The following PTPRD variants were observed in gnomAD, a reference collection of about 807,000 sequenced individuals.
The protein encoded by PTPRD is protein tyrosine phosphatase receptor type D.
A neutral mutation model predicts 214.5 loss-of-function variants in PTPRD; 34 were observed. The observed-to-expected ratio is 0.16, with a 90% CI of 0.12 to 0.21. The LOEUF (loss-of-function observed/expected upper bound fraction) is 0.21, where lower values mean the gene tolerates loss of function less well. Among genes scored for constraint, PTPRD ranks in the 10% least tolerant of loss-of-function variants. PTPRD has a pLI of 1.00. For synonymous variants in PTPRD, 1,128 were observed against 845.7 expected (o/e 1.33, Z -5.79); for missense variants, 2,545 against 2,398.7 (o/e 1.06, Z -1.27).
At chr9:9,426,887 A>G (rs1170690465) in intron 8 of PTPRD, among the ~76,000 whole-genome samples, 3 of 152,196 alleles carry the variant, frequency 2.0e-5, no homozygotes, top group Non-Finnish European at 4.4e-5. Flanking sequence ...AAGGGCATCT[A>G]CACCAAAACC....
chr9:9,743,771 A>ACACACACACACAC (rs1218520561), intron 6 of PTPRD, among the ~76,000 whole-genome samples: 1,788 of 118,710 alleles, frequency 0.015, 44 homozygotes, highest in African/African-American at 0.03. Context: ...CACACACACA[A>ACACACACACACAC]TTTATACTGA....
chr9:10,356,767 T>C (rs2097286949), intron 2 of PTPRD, among the ~76,000 whole-genome samples: 1 of 151,958 alleles, frequency 6.6e-6, no homozygotes, highest in South Asian at 2.1e-4. Flanking sequence ...GAAACCTCTG[T>C]CTCCCAAGTT....
intron 2 of PTPRD, among the ~76,000 whole-genome samples, chr9:10,538,599 A>G (rs905136534): frequency 3.3e-5 from 5 of 152,180 alleles, no homozygotes; most frequent in African/African-American, 1.2e-4. Context: ...AAATTATATA[A>G]GACAGGAACA....
At chr9:8,869,367 C>T (rs1276058345) in intron 11 of PTPRD, among the ~76,000 whole-genome samples, 1 of 152,078 alleles carries the variant, frequency 6.6e-6, no homozygotes, top group Non-Finnish European at 1.5e-5. Flanking sequence ...GTACAGTATC[C>T]ACACTCTATT....
chr9:8,927,986 T>G (rs2098915696), intron 11 of PTPRD, among the ~76,000 whole-genome samples: 1 of 152,206 alleles, frequency 6.6e-6, no homozygotes, highest in South Asian at 2.1e-4. Context: ...TCATATTTGT[T>G]GGCCACATAA....
intron 2 of PTPRD, among the ~76,000 whole-genome samples, chr9:10,373,741 C>T (rs1316891232): frequency 6.6e-6 from 1 of 152,082 alleles, no homozygotes; most frequent in African/African-American, 2.4e-5. Context: ...CACCTTTACG[C>T]CTTGCCATAT....
chr9:8,791,114 G>C (rs1300424122), intron 11 of PTPRD, among the ~76,000 whole-genome samples: 1 of 152,174 alleles, frequency 6.6e-6, no homozygotes, highest in East Asian at 1.9e-4. Flanking sequence ...GCAGAAGAAA[G>C]TAGAATCCTC....
chr9:8,917,959 A>C (rs1385333114), intron 11 of PTPRD, among the ~76,000 whole-genome samples: 1 of 152,082 alleles, frequency 6.6e-6, no homozygotes, highest in Admixed American at 6.6e-5. Context: ...TTCTCTCTTC[A>C]AGGATGGGAG....
At position 9,886,359 on chromosome 9, in the gene PTPRD, A is replaced by G. The variant is rs570540902; in HGVS notation, c.-368+52148T>C. 2.2e-4 allele frequency among the ~76,000 whole-genome samples: 33 copies of G among 152,260 alleles called. No homozygotes were observed. The South Asian group carries it at 2.7e-3, about 12-fold the overall frequency. On this transcript the variant is annotated intron_variant, in intron 5 of 45. Transcript: ENST00000381196. ...ACATAAACAAGAGTAATATGTAATG[A>G]ACTGCAAATAGCTTTCTTCACATGT... is the stretch of plus-strand genomic sequence containing the variant.
intron 4 of PTPRD, among the ~76,000 whole-genome samples, chr9:10,013,619 T>C (rs2096644368): frequency 6.6e-6 from 1 of 151,674 alleles, no homozygotes; most frequent in Admixed American, 6.6e-5. Context: ...AAGTAATTGA[T>C]GGCAATTACT....
Position 8,661,879 on chromosome 9 carries a change from G to T in PTPRD, c.65-25035C>A, listed in dbSNP as rs867558814. 8.7e-4 allele frequency among the ~76,000 whole-genome samples: 132 copies of T among 152,230 alleles called. 1 individual carries two copies. The highest frequency in any genetic ancestry group is 2.9e-3 in the African/African-American group (122 of 41,548). On this transcript the variant is annotated intron_variant, in intron 12 of 45. Transcript: ENST00000381196. ...GTACATTTCACTAAATATTGAAAGG[G>T]ACAGCTAATTAAGTATTTGGTCTAC... is the stretch of plus-strand genomic sequence containing the variant.
At chr9:9,370,021 G>T (rs1276164720) in intron 9 of PTPRD, among the ~76,000 whole-genome samples, 1 of 152,148 alleles carries the variant, frequency 6.6e-6, no homozygotes, top group African/African-American at 2.4e-5. Context: ...TAGCCTTGTA[G>T]TATAGTTTGA....
chr9:9,400,862 C>G (rs2070108421), intron 8 of PTPRD, among the ~76,000 whole-genome samples: 1 of 151,962 alleles, frequency 6.6e-6, no homozygotes, highest in Non-Finnish European at 1.5e-5. Context: ...CAAATTTATT[C>G]AAATAACCTT....
At chr9:8,780,825 C>T (rs1373816197) in intron 11 of PTPRD, among the ~76,000 whole-genome samples, 2 of 152,116 alleles carry the variant, frequency 1.3e-5, no homozygotes, top group African/African-American at 4.8e-5. Context: ...GGAGATTGTG[C>T]CAAAAATAAT....
chr9:8,377,599 T>G (rs78187764), intron 37 of PTPRD, among the ~76,000 whole-genome samples: 1 of 152,008 alleles, frequency 6.6e-6, no homozygotes, highest in African/African-American at 2.4e-5. Flanking sequence ...ACCCTTTCTA[T>G]CTCAGACTTT....
intron 7 of PTPRD, among the ~76,000 whole-genome samples, chr9:9,679,760 A>C (rs1467191022): frequency 6.6e-6 from 1 of 151,908 alleles, no homozygotes; most frequent in African/African-American, 2.4e-5. Context: ...TGAAGGCCTG[A>C]TTTGCCAATG....
At chr9:9,376,014 A>G (rs1156263956) in intron 9 of PTPRD, among the ~76,000 whole-genome samples, 1 of 152,158 alleles carries the variant, frequency 6.6e-6, no homozygotes, top group Non-Finnish European at 1.5e-5. Flanking sequence ...TCTCCTTGTA[A>G]AGAAGGTAGT....
At chr9:10,285,376 G>A (rs1025363933) in intron 3 of PTPRD, among the ~76,000 whole-genome samples, 1 of 152,074 alleles carries the variant, frequency 6.6e-6, no homozygotes, top group Non-Finnish European at 1.5e-5. Flanking sequence ...TCGGGGTTCA[G>A]AACATCAAAA....
intron 2 of PTPRD, among the ~76,000 whole-genome samples, chr9:10,391,098 T>G (rs2098053649): frequency 1.3e-5 from 2 of 151,936 alleles, no homozygotes; most frequent in Non-Finnish European, 1.5e-5. Flanking sequence ...TGTGTTAAAT[T>G]ACTTGGGGAA....
Sources: gnomAD v4.1 joint callset for allele counts (sites outside exome capture counted in the v4.1 genomes callset) on GRCh38, gnomAD v4.1.1 for gene constraint, MANE v1.5 for transcripts, NCBI Gene and HGNC (gene_info 2026-07-23, HGNC 2026-07-21) for gene names.